RANBP17: variants seen among roughly 807,000 people sequenced by gnomAD.
The protein encoded by RANBP17 is ran-binding protein 17.
In RANBP17, 158 loss-of-function variants were observed where a neutral mutation model predicts 141.2. The observed-to-expected ratio is 1.12, with a 90% confidence interval of 0.98 to 1.28. The LOEUF is 1.28. Among genes scored for constraint, RANBP17 ranks in the 50% most tolerant of loss-of-function variants. The pLI, the probability that RANBP17 is intolerant of heterozygous loss-of-function variation, is 0.00. For synonymous variants in RANBP17, 430 were observed against 450.0 expected, an observed-to-expected ratio of 0.96 and a Z score of 0.56; for missense variants, 1,438 against 1,290.7, an observed-to-expected ratio of 1.11 and a Z score of -1.75.
Position 171,222,399 on chromosome 5 carries a change from A to G in RANBP17, c.2422+559A>G, listed in dbSNP as rs182081597. Among the ~76,000 whole-genome samples, 222 of 152,340 alleles carry G rather than the reference A, an allele frequency of 1.5e-3. 3 individuals are homozygous for G. Among genetic ancestry groups the G allele is most frequent in the Non-Finnish European group, 1.1e-3 (72 of 68,020 alleles). ...ATTGCCAATTCTGACACTGTCATCA[A>G]TGAAATTCTCTACTCTCTGAGACCT... On this transcript the variant is annotated intron_variant, in intron 22 of 27. Transcript: ENST00000523189.
chr5:171,019,006 T>C (rs1300317336), intron 14 of RANBP17, among the ~76,000 whole-genome samples: 2 of 152,202 alleles, frequency 1.3e-5, no homozygotes, highest in Non-Finnish European at 2.9e-5. Context: ...CTGCATCTAT[T>C]GAGATAATCC....
Position 170,953,580 on chromosome 5 carries a change from T to C in RANBP17, c.1469-17T>C. The C allele has an allele frequency of 6.4e-7, 1 of 1,552,182 alleles. No individual in the cohort carries two copies. The highest frequency in any genetic ancestry group is 8.8e-7 in the Non-Finnish European group (1 of 1,137,660). ...ATGAATACTTACTAAACTTTTTTCTTCCTTATTCTATATTAGGACGTCTTG... is the reference window on the plus strand; with the variant it reads ...ATGAATACTTACTAAACTTTTTTCTCCCTTATTCTATATTAGGACGTCTTG... On this transcript the variant is annotated splice_polypyrimidine_tract_variant and intron_variant, in intron 12 of 27. Coordinates refer to ENST00000523189, the MANE Select transcript of RANBP17 (RefSeq NM_022897.5).
chr5:171,001,324 C>A (rs1382054763), intron 14 of RANBP17, among the ~76,000 whole-genome samples: 2 of 152,056 alleles, frequency 1.3e-5, no homozygotes, highest in Non-Finnish European at 2.9e-5. Context: ...AAATGAAAGA[C>A]ACAAGGTCCG....
chr5:171,025,146 T>C (rs533704455), intron 14 of RANBP17, among the ~76,000 whole-genome samples: 1 of 152,296 alleles, frequency 6.6e-6, no homozygotes, highest in Non-Finnish European at 1.5e-5. Flanking sequence ...TGCTTCTATA[T>C]TCCTAGTCCA....
intron 14 of RANBP17, among the ~76,000 whole-genome samples, chr5:171,010,753 AT>A (rs1473469976): frequency 4.6e-5 from 7 of 152,154 alleles, no homozygotes; most frequent in African/African-American, 1.7e-4. Context: ...TGTTAAAAGG[AT>A]TATTAGGGAG....
At position 171,121,072 on chromosome 5, in the gene RANBP17, C is replaced by G. The variant is rs747965549; in HGVS notation, c.1711-49058C>G. Among the ~76,000 whole-genome samples, 4 of 152,162 alleles carry G rather than the reference C, an allele frequency of 2.6e-5. No individual in the cohort carries two copies. The East Asian group carries it at 7.7e-4, about 29-fold the overall frequency. ...AGACTTTATGGTGGCGGTGGTCCAGCTTTGCTGAGGGTGGGCTCACAAGGC... is the reference window on the plus strand; with the variant it reads ...AGACTTTATGGTGGCGGTGGTCCAGGTTTGCTGAGGGTGGGCTCACAAGGC... On this transcript the variant is annotated intron_variant, in intron 14 of 27. Transcript: ENST00000523189.
intron 20 of RANBP17, among the ~76,000 whole-genome samples, chr5:171,213,074 C>T (rs1278524979): frequency 1.3e-5 from 2 of 152,244 alleles, no homozygotes; most frequent in Admixed American, 1.3e-4. Context: ...CTTGGAGCTA[C>T]AGTGAGACCA....
chr5:171,261,441 T>G (rs1766323405), intron 24 of RANBP17, among the ~76,000 whole-genome samples: 1 of 152,236 alleles, frequency 6.6e-6, no homozygotes, highest in Non-Finnish European at 1.5e-5. Flanking sequence ...TTCTCCTTTG[T>G]GTTGTGGTGA....
At chr5:170,970,011 A>C (rs1776871501) in intron 14 of RANBP17, among the ~76,000 whole-genome samples, 2 of 152,000 alleles carry the variant, frequency 1.3e-5, no homozygotes, top group Non-Finnish European at 2.9e-5. Context: ...AATCTGTCTT[A>C]ATAGAAATCA....
intron 14 of RANBP17, among the ~76,000 whole-genome samples, chr5:170,987,624 A>G (rs1413467196): frequency 1.3e-5 from 2 of 151,742 alleles, no homozygotes; most frequent in African/African-American, 4.8e-5. Context: ...AAAAACACAC[A>G]TTTTATACCT....
intron 18 of RANBP17, among the ~76,000 whole-genome samples, chr5:171,186,637 C>T (rs1430550172): frequency 5.7e-5 from 8 of 140,158 alleles, no homozygotes; most frequent in East Asian, 4.3e-4. Context: ...CCCGGGTTCA[C>T]GCCATTCTCC....
intron 25 of RANBP17, among the ~76,000 whole-genome samples, chr5:171,281,267 A>T (rs1479115073): frequency 1.3e-5 from 2 of 152,328 alleles, no homozygotes; most frequent in Admixed American, 6.5e-5. Context: ...AAAGACAGTG[A>T]TGGAAAGTGC....
intron 14 of RANBP17, among the ~76,000 whole-genome samples, chr5:171,054,436 T>C (rs1783205396): frequency 6.6e-6 from 1 of 152,162 alleles, no homozygotes; most frequent in Non-Finnish European, 1.5e-5. Context: ...TTAGACCATA[T>C]AGGGTATCTT....
At chr5:170,992,345 GAATCAGTGT>G (rs1185931057) in intron 14 of RANBP17, among the ~76,000 whole-genome samples, 2 of 151,954 alleles carry the variant, frequency 1.3e-5, no homozygotes, top group African/African-American at 2.4e-5. Flanking sequence ...TTTGGTAATT[GAATCAGTGT>G]AATCAGTGTG....
intron 14 of RANBP17, among the ~76,000 whole-genome samples, chr5:170,975,258 G>A (rs1034761206): frequency 2.0e-5 from 3 of 152,174 alleles, no homozygotes; most frequent in African/African-American, 7.2e-5. Context: ...GCTGGGCGTG[G>A]TGGCTCACAC....
intron 14 of RANBP17, among the ~76,000 whole-genome samples, chr5:171,081,968 A>T (rs950462176): frequency 1.3e-5 from 2 of 152,290 alleles, no homozygotes; most frequent in South Asian, 2.1e-4. Flanking sequence ...GAATCCTTCT[A>T]ACTCTAAAAT....
At chr5:171,098,238 T>A (rs245766) in intron 14 of RANBP17, among the ~76,000 whole-genome samples, 95,214 of 151,912 alleles carry the variant, frequency 0.63, 30,871 homozygotes, top group South Asian at 0.88. Flanking sequence ...GTTGAATTAA[T>A]TTACACTCTC....
intron 14 of RANBP17, among the ~76,000 whole-genome samples, chr5:171,154,663 A>G (rs1317443830): frequency 3.3e-5 from 5 of 152,226 alleles, no homozygotes; most frequent in African/African-American, 9.6e-5. Flanking sequence ...CAGTGAATAC[A>G]TATTTTTCCC....
chr5:171,269,751 A>G (rs1451543741), intron 25 of RANBP17, among the ~76,000 whole-genome samples: 2 of 152,226 alleles, frequency 1.3e-5, no homozygotes, highest in East Asian at 1.9e-4. Context: ...GCAGAAGGTA[A>G]TGAACAAGGT....
Sources: gnomAD v4.1 joint callset for allele counts (sites outside exome capture counted in the v4.1 genomes callset) on GRCh38, gnomAD v4.1.1 for gene constraint, MANE v1.5 for transcripts, NCBI Gene and HGNC (gene_info 2026-07-23, HGNC 2026-07-21) for gene names.